The following MCF2L2 variants were observed in gnomAD, a reference collection of about 807,000 sequenced individuals.
MCF2L2 encodes probable guanine nucleotide exchange factor MCF2L2.
Under a neutral mutation model 150.2 loss-of-function variants are expected in MCF2L2, and 102 were observed. That is an observed-to-expected ratio of 0.68 (90% CI 0.58 to 0.80). The LOEUF (loss-of-function observed/expected upper bound fraction) is 0.80, where lower values mean the gene tolerates loss of function less well. Ranked by LOEUF, MCF2L2 falls within the 30% of genes least tolerant of loss-of-function variation. The probability of loss-of-function intolerance (pLI) is 0.00; values close to 1 mark genes in which losing one functional copy is unlikely to be tolerated. For synonymous variants in MCF2L2, 465 were observed against 491.3 expected (o/e 0.95, Z 0.71); for missense variants, 1,256 against 1,372.8 (o/e 0.91, Z 1.34).
chr3:183,348,188 T>C (rs1197614954), intron 3 of MCF2L2, among the ~76,000 whole-genome samples: 1 of 152,166 alleles, frequency 6.6e-6, no homozygotes, highest in Non-Finnish European at 1.5e-5. Context: ...AAAAAAAATG[T>C]GGTTCATATA....
In MCF2L2 at chr3:183,352,986, G is replaced by A. The variant is rs7652512; in HGVS notation, c.276-11356C>T. 7.3e-3 allele frequency among the ~76,000 whole-genome samples: 1,107 copies of A among 152,148 alleles called. 16 individuals carry two copies. The highest frequency in any genetic ancestry group is 0.025 in the African/African-American group (1,029 of 41,504). On this transcript the variant is annotated intron_variant, in intron 3 of 29. Transcript: ENST00000328913. ...TCAGAAAATGTTCGATATGTTATCC[G>A]CTTCGAGGTAACGATGAGAAGGAAC...
chr3:183,286,427 ATC>A, intron 14 of MCF2L2, among the ~76,000 whole-genome samples: 1 of 152,288 alleles, frequency 6.6e-6, no homozygotes, highest in South Asian at 2.1e-4. Context: ...CAACCTGGCC[ATC>A]TCTCTCGGAC....
At chr3:183,361,003 GA>G (rs756982934) in intron 3 of MCF2L2, among the ~76,000 whole-genome samples, 5 of 115,540 alleles carry the variant, frequency 4.3e-5, no homozygotes, top group Admixed American at 8.4e-5. Context: ...GAAAAGAAAA[GA>G]AAAGAAAAGA....
intron 15 of MCF2L2, chr3:183,269,481 C>G (rs1443038766): frequency 7.5e-6 from 2 of 265,086 alleles, no homozygotes; most frequent in Non-Finnish European, 1.4e-5. Flanking sequence ...ATTCTTTTCT[C>G]TTCTTGACTG....
chr3:183,211,546 G>T (rs1382436642), intron 22 of MCF2L2, among the ~76,000 whole-genome samples: 1 of 152,226 alleles, frequency 6.6e-6, no homozygotes, highest in Non-Finnish European at 1.5e-5. Context: ...CACACACACT[G>T]TTCACTGTGC....
rs149761363 is a variant in MCF2L2, at chr3:183,413,646, C to G, written c.76+14256G>C. Among the ~76,000 whole-genome samples the G allele has an allele frequency of 4.2e-3, 641 of 152,322 alleles. 1 individual carries two copies. The highest frequency in any genetic ancestry group is 7.2e-3 in the Non-Finnish European group (488 of 68,020). On this transcript the variant is annotated intron_variant, in intron 1 of 29. Transcript: ENST00000328913. ...CCCAACTCAGCTCCCTGACCCTGAC[C>G]CAGTTCCTCGCCCTGTAAAGCCCTG...
At chr3:183,187,556 C>T (rs1273363538) in intron 27 of MCF2L2, among the ~76,000 whole-genome samples, 2 of 152,146 alleles carry the variant, frequency 1.3e-5, no homozygotes, top group Admixed American at 6.5e-5. Context: ...GCAACCTCCG[C>T]TTCCTGAGTC....
At chr3:183,307,577 C>G (rs977765128) in intron 10 of MCF2L2, among the ~76,000 whole-genome samples, 6 of 152,172 alleles carry the variant, frequency 3.9e-5, no homozygotes, top group African/African-American at 7.2e-5. Context: ...GTCATGGGTT[C>G]ACAGAGCATT....
intron 15 of MCF2L2, among the ~76,000 whole-genome samples, chr3:183,274,240 A>C (rs1052591273): frequency 6.6e-6 from 1 of 152,072 alleles, no homozygotes; most frequent in African/African-American, 2.4e-5. Flanking sequence ...ATTTCTCAGA[A>C]CTTATCCTCA....
intron 27 of MCF2L2, among the ~76,000 whole-genome samples, chr3:183,184,410 A>AG (rs1721627324): frequency 6.6e-6 from 1 of 152,198 alleles, no homozygotes; most frequent in Non-Finnish European, 1.5e-5. Flanking sequence ...GTTGGAGCAG[A>AG]TACACCCTGA....
intron 3 of MCF2L2, among the ~76,000 whole-genome samples, chr3:183,355,285 G>A (rs900435795): frequency 6.6e-6 from 1 of 152,066 alleles, no homozygotes; most frequent in African/African-American, 2.4e-5. Context: ...TTGTGGATAT[G>A]AATGAATTCC....
chr3:183,345,950 C>T (rs1730881496), intron 3 of MCF2L2, among the ~76,000 whole-genome samples: 1 of 152,034 alleles, frequency 6.6e-6, no homozygotes, highest in Admixed American at 6.6e-5. Flanking sequence ...CCAAAAAAAG[C>T]CCAGGACCAG....
chr3:183,266,083 T>G (rs1726088193), intron 15 of MCF2L2: 1 of 152,200 alleles, frequency 6.6e-6, no homozygotes, highest in Admixed American at 6.5e-5. Flanking sequence ...AGCTGCCGGC[T>G]TACAGTAGCC....
intron 3 of MCF2L2, chr3:183,372,548 C>G (rs893257978): frequency 6.6e-6 from 1 of 151,948 alleles, no homozygotes; most frequent in African/African-American, 2.4e-5. Context: ...AAAAATTAAC[C>G]GGGCATGGTG....
intron 15 of MCF2L2, among the ~76,000 whole-genome samples, chr3:183,274,597 G>A (rs1033125141): frequency 2.6e-5 from 4 of 152,176 alleles, no homozygotes; most frequent in African/African-American, 9.7e-5. Flanking sequence ...CTTGCAAGTC[G>A]TGGTAGGAGT....
chr3:183,229,680 G>A lies in MCF2L2; in HGVS notation c.2031C>T (p.Tyr677=), dbSNP rs149684646. The A allele has an allele frequency of 4.1e-4, 620 of 1,528,858 alleles. 2 individuals are homozygous for A. Among genetic ancestry groups the A allele is most frequent in the South Asian group, 6.5e-4 (57 of 87,296 alleles). The allele number at this position is 1,528,858 out of a possible 1,614,324, so 94.7% of individuals were successfully genotyped here. A position where few individuals can be genotyped will look rare whatever the true frequency, so the allele number is the denominator to read the frequency against. The stretch of plus-strand genomic sequence containing the variant: ...TTATTATATACCTGTTGTGAAATTC[G>A]TAAAGTTCTCTAATATTCCCAAAGA... ...DFLFGNIREL[Y]EFHNRTFLKE... is the part of the protein sequence containing the mutation. Residue 677 remains tyrosine (Y), a synonymous_variant, in exon 17 of 30, where the codon TAC becomes TAT. Transcript: ENST00000328913.
intron 27 of MCF2L2, among the ~76,000 whole-genome samples, chr3:183,184,320 T>G (rs1016396956): frequency 1.3e-5 from 2 of 152,210 alleles, no homozygotes; most frequent in African/African-American, 4.8e-5. Context: ...CCCAGCTGAT[T>G]ATAGCAAAAT....
intron 15 of MCF2L2, among the ~76,000 whole-genome samples, chr3:183,275,276 C>T (rs909518294): frequency 6.6e-6 from 1 of 152,116 alleles, no homozygotes; most frequent in African/African-American, 2.4e-5. Flanking sequence ...AATCATCTCC[C>T]CAAAATCTGA....
chr3:183,296,992 A>T lies in MCF2L2; in HGVS notation c.1481T>A (p.Leu494His). Reference sequence around the variant, plus strand: ...AAGCATTACCTTTGCATCGAGGGTGAGCAGCAACTCAAACTCGTTGTAAAA... The same window carrying T: ...AAGCATTACCTTTGCATCGAGGGTGTGCAGCAACTCAAACTCGTTGTAAAA... ...KEFYNEFELL[L>H]TLDAKAKAQK... The change falls in exon 12 of 30, where the codon CTC becomes CAC. Residue 494 changes from leucine (L) to histidine (H), a missense_variant. Physicochemically the swap from Leu to His is moderately conservative, Grantham distance 99. Transcript: ENST00000328913. 2.5e-6 allele frequency: 4 copies of T among 1,613,884 alleles called. No homozygotes were observed. The highest frequency in any genetic ancestry group is 3.4e-6 in the Non-Finnish European group (4 of 1,179,854).
Sources: allele counts gnomAD v4.1 joint callset (sites outside exome capture counted in the v4.1 genomes callset), GRCh38; gene constraint gnomAD v4.1.1; transcripts MANE v1.5; gene names NCBI Gene and HGNC (gene_info 2026-07-23, HGNC 2026-07-21).